BTAF1: variants seen among roughly 807,000 people sequenced by gnomAD.
The protein encoded by BTAF1 is B-TFIID TATA-box binding protein associated factor 1, also known as TATA-binding protein-associated factor 172.
Under a neutral mutation model 227.1 loss-of-function variants are expected in BTAF1, and 38 were observed. The observed-to-expected ratio is 0.17, with a 90% CI of 0.13 to 0.22. BTAF1 has a LOEUF of 0.22. Among genes scored for constraint, BTAF1 ranks in the 10% least tolerant of loss-of-function variants. The pLI is 1.00. For synonymous variants in BTAF1, 742 were observed against 751.9 expected (o/e 0.99, Z 0.21); for missense variants, 1,598 against 2,204.0 (o/e 0.73, Z 5.51).
intron 23 of BTAF1, 119 bp downstream of exon 23, chr10:91,994,763 C>G: frequency 1.2e-6 from 1 of 803,768 alleles, no homozygotes; most frequent in East Asian, 2.7e-5. Context: ...TTTTTCTTTG[C>G]TGTGGTATAA....
intron 23 of BTAF1, among the ~76,000 whole-genome samples, chr10:91,996,056 C>G (rs1408238303): frequency 6.6e-6 from 1 of 152,132 alleles, no homozygotes; most frequent in African/African-American, 2.4e-5. Context: ...GAGAATCTTG[C>G]CAAGTACTTT....
At position 91,992,235 on chromosome 10, in the gene BTAF1, C is replaced by G; in HGVS notation, c.2971C>G (p.Pro991Ala). The G allele has an allele frequency of 6.2e-7, 1 of 1,613,780 alleles. No individual in the cohort carries two copies. The highest frequency in any genetic ancestry group is 8.5e-7 in the Non-Finnish European group (1 of 1,179,906). ...FAITSRRGPT[P>A]KAVKAQIADL... Reference sequence around the variant, plus strand: ...TATCACAAGTAGGCGAGGTCCTACCCCCAAAGCAGTAAAAGCTCAAATAGC... The same window carrying G: ...TATCACAAGTAGGCGAGGTCCTACCGCCAAAGCAGTAAAAGCTCAAATAGC... The change falls in exon 21 of 38, where the codon CCC (proline) becomes GCC (alanine). Residue 991 changes from proline (P) to alanine (A), a missense_variant. By Grantham distance (27) the Pro-to-Ala change is conservative. Coordinates refer to ENST00000265990, the MANE Select transcript of BTAF1 (RefSeq NM_003972.3).
At chr10:91,995,941 G>C (rs1042650822) in intron 23 of BTAF1, among the ~76,000 whole-genome samples, 7 of 152,138 alleles carry the variant, frequency 4.6e-5, no homozygotes, top group African/African-American at 9.7e-5. Flanking sequence ...ATAAAATCAG[G>C]AACACTCAAG....
intron 1 of BTAF1, among the ~76,000 whole-genome samples, chr10:91,934,060 C>T (rs1844436759): frequency 6.6e-6 from 1 of 152,054 alleles, no homozygotes; most frequent in African/African-American, 2.4e-5. Flanking sequence ...TTTAGATAGC[C>T]TTGAATGAGG....
intron 14 of BTAF1, among the ~76,000 whole-genome samples, chr10:91,973,359 G>A (rs1390750507): frequency 6.6e-6 from 1 of 152,192 alleles, no homozygotes; most frequent in Non-Finnish European, 1.5e-5. Flanking sequence ...GAGATAATGT[G>A]TATGAAAGTG....
chr10:91,962,582 T>A lies in BTAF1; in HGVS notation c.1308T>A (p.Ile436=). The A allele has an allele frequency of 6.3e-7, 1 of 1,598,808 alleles. No individual in the cohort carries two copies. ...TLLPKVLTRI[I]EGLQDLDDDV... is the part of the protein sequence containing the mutation. The stretch of plus-strand genomic sequence containing the variant: ...TGCCTAAAGTTTTAACTAGAATAAT[T>A]GAAGGACTCCAGGATCTTGATGATG... The change falls in exon 12 of 38, where the codon ATT becomes ATA. Residue 436 remains isoleucine (I), a synonymous_variant. Transcript: ENST00000265990.
chr10:91,951,583 G>A lies in BTAF1; in HGVS notation c.564+17G>A. Reference sequence around the variant, plus strand: ...AAACAACCTGTAGGTAAAACGTTTGGTTATTTGATTGCAAGTAATAATACA... The same window carrying A: ...AAACAACCTGTAGGTAAAACGTTTGATTATTTGATTGCAAGTAATAATACA... On this transcript the variant is annotated intron_variant, in intron 5 of 37. Coordinates refer to ENST00000265990, the MANE Select transcript of BTAF1 (RefSeq NM_003972.3). The A allele has an allele frequency of 1.3e-6, 2 of 1,564,490 alleles. No homozygotes were observed. The highest frequency in any genetic ancestry group is 1.7e-6 in the Non-Finnish European group (2 of 1,161,720).
At chr10:91,997,536 G>T in intron 24 of BTAF1, 67 bp from the exon 25 acceptor site, 1 of 1,385,126 alleles carries the variant, frequency 7.2e-7, no homozygotes, top group Non-Finnish European at 1.0e-6. Flanking sequence ...TAAAATCTTG[G>T]TATCAGTTTG....
intron 9 of BTAF1, among the ~76,000 whole-genome samples, chr10:91,959,438 GTAAT>G (rs1316415152): frequency 1.3e-5 from 2 of 151,928 alleles, no homozygotes; most frequent in African/African-American, 2.4e-5. Context: ...ACAACCTTAA[GTAAT>G]TAGTTTCTTA....
chr10:92,022,575 A>C (rs778325348), intron 34 of BTAF1, among the ~76,000 whole-genome samples: 2 of 151,920 alleles, frequency 1.3e-5, no homozygotes, highest in Non-Finnish European at 2.9e-5. Context: ...GCGCTACCAC[A>C]CCTGGCTAAT....
chr10:91,939,928 A>G (rs200792075), intron 2 of BTAF1, 24 bp from the exon 3 acceptor site: 198 of 1,510,842 alleles, frequency 1.3e-4, no homozygotes, highest in Middle Eastern at 5.1e-4. Context: ...TTGTATACGT[A>G]ACTTTTATTT....
At chr10:91,957,100 A>C in intron 7 of BTAF1, 125 bp from the exon 8 acceptor site, 1 of 613,062 alleles carries the variant, frequency 1.6e-6, no homozygotes, top group Non-Finnish European at 2.7e-6. Flanking sequence ...ATTAGTTAAA[A>C]AAATTAAATT....
Position 92,027,250 on chromosome 10 carries a change from T to C in BTAF1, c.5356T>C (p.Leu1786=). ...NTVISQENSS[L]QSMGTDQLLD... ...TGTTATTAGCCAAGAGAATTCTAGT[T>C]TGCAGAGCATGGGGACTGATCAGCT... The change falls in exon 37 of 38, where the codon TTG becomes CTG. Residue 1786 remains leucine (L), a synonymous_variant. Coordinates refer to ENST00000265990, the MANE Select transcript of BTAF1 (RefSeq NM_003972.3). The C allele has an allele frequency of 6.2e-7, 1 of 1,614,048 alleles. No individual in the cohort carries two copies. The highest frequency in any genetic ancestry group is 8.5e-7 in the Non-Finnish European group (1 of 1,179,954).
intron 12 of BTAF1, among the ~76,000 whole-genome samples, chr10:91,963,775 T>A (rs1445845238): frequency 6.6e-6 from 1 of 152,258 alleles, no homozygotes; most frequent in Non-Finnish European, 1.5e-5. Context: ...TCTGTTGTTT[T>A]CACTGTTAAG....
chr10:91,954,700 G>C (rs566831215), intron 6 of BTAF1, among the ~76,000 whole-genome samples: 27 of 152,232 alleles, frequency 1.8e-4, no homozygotes, highest in African/African-American at 5.8e-4. Flanking sequence ...TGGGACTACA[G>C]GTGTGAACCA....
At chr10:92,012,542 G>A (rs1262313876) in intron 30 of BTAF1, among the ~76,000 whole-genome samples, 3 of 151,202 alleles carry the variant, frequency 2.0e-5, no homozygotes, top group East Asian at 2.0e-4. Context: ...AGGTTGAGGC[G>A]GGTGGATCAA....
intron 25 of BTAF1, among the ~76,000 whole-genome samples, chr10:91,999,699 A>G (rs1849381543): frequency 6.6e-6 from 1 of 152,194 alleles, no homozygotes; most frequent in African/African-American, 2.4e-5. Context: ...GGCGAAGAAT[A>G]TAACATCATT....
intron 22 of BTAF1, among the ~76,000 whole-genome samples, chr10:91,994,135 A>C (rs888458347): frequency 6.6e-6 from 1 of 152,056 alleles, no homozygotes; most frequent in Non-Finnish European, 1.5e-5. Context: ...CCAACATGGC[A>C]AAACCCCATC....
intron 11 of BTAF1, 82 bp downstream of exon 11, chr10:91,960,236 C>T (rs900793256): frequency 8.5e-6 from 12 of 1,406,406 alleles, no homozygotes; most frequent in South Asian, 2.8e-5. Flanking sequence ...ACGAAATGGC[C>T]GTAGATTCTT....
Sources: allele counts gnomAD v4.1 joint callset (sites outside exome capture counted in the v4.1 genomes callset), GRCh38; gene constraint gnomAD v4.1.1; transcripts MANE v1.5; gene names NCBI Gene and HGNC (gene_info 2026-07-23, HGNC 2026-07-21).